Variants in MECOM observed in about 807,000 individuals in gnomAD.
The protein encoded by MECOM is MDS1 and EVI1 complex locus, also known as histone-lysine N-methyltransferase MECOM.
A neutral mutation model predicts 116.3 loss-of-function variants in MECOM; 13 were observed. The ratio of observed to expected loss-of-function variants is 0.11; its 90% CI spans 0.07 to 0.18. MECOM has a LOEUF of 0.18. Ranked by LOEUF, MECOM falls within the 10% of genes least tolerant of loss-of-function variation. The pLI, the probability that MECOM is intolerant of heterozygous loss-of-function variation, is 1.00. For synonymous variants in MECOM, 528 were observed against 535.2 expected (o/e 0.99, Z 0.19); for missense variants, 1,299 against 1,509.0 (o/e 0.86, Z 2.31).
At chr3:169,582,726 C>G (rs1765260053) in intron 1 of MECOM, among the ~76,000 whole-genome samples, 2 of 152,128 alleles carry the variant, frequency 1.3e-5, no homozygotes, top group Admixed American at 6.5e-5. Context: ...AAGGTTTTAG[C>G]AAAACTTCTG....
At chr3:169,171,906 A>G (rs1289137192) in intron 2 of MECOM, among the ~76,000 whole-genome samples, 1 of 152,144 alleles carries the variant, frequency 6.6e-6, no homozygotes, top group Non-Finnish European at 1.5e-5. Context: ...GAGAGGAAAC[A>G]TAGATACTAA....
chr3:169,639,526 A>G (rs1274961221), intron 1 of MECOM, among the ~76,000 whole-genome samples: 1 of 152,236 alleles, frequency 6.6e-6, no homozygotes, highest in Non-Finnish European at 1.5e-5. Context: ...AGTCTTGATC[A>G]AACTGTGCCT....
intron 1 of MECOM, among the ~76,000 whole-genome samples, chr3:169,516,493 A>G (rs1756644938): frequency 6.6e-6 from 1 of 152,124 alleles, no homozygotes; most frequent in South Asian, 2.1e-4. Flanking sequence ...TTAGCAATAA[A>G]AGAATGTTCT....
chr3:169,532,940 C>T (rs1758842879), intron 1 of MECOM, among the ~76,000 whole-genome samples: 1 of 152,122 alleles, frequency 6.6e-6, no homozygotes, highest in South Asian at 2.1e-4. Context: ...AATACGTTAA[C>T]CCTATTTTAT....
intron 2 of MECOM, among the ~76,000 whole-genome samples, chr3:169,201,459 A>G (rs1313483911): frequency 1.3e-5 from 2 of 152,088 alleles, no homozygotes; most frequent in Non-Finnish European, 2.9e-5. Flanking sequence ...TCTGAATTAA[A>G]TGGCTCCTTT....
intron 1 of MECOM, among the ~76,000 whole-genome samples, chr3:169,434,256 A>G (rs1461763910): frequency 6.6e-6 from 1 of 152,140 alleles, no homozygotes; most frequent in African/African-American, 2.4e-5. Flanking sequence ...AGCACATATA[A>G]ATGCATAATT....
In MECOM at chr3:169,102,195, A is replaced by T; in HGVS notation, c.2636T>A (p.Leu879Gln). The change falls in exon 11 of 17, where the codon CTA becomes CAA. Residue 879 changes from leucine to glutamine, a missense_variant. Physicochemically the swap from Leu to Gln is moderately radical, Grantham distance 113. Around this residue, in one of 6 missense-constraint regions of MECOM, gnomAD observed 340 missense variants for 312.6 expected, o/e 1.09. Coordinates refer to ENST00000651503, the MANE Select transcript of MECOM (RefSeq NM_004991.4). ...AGGTTTCAGGGCACTGAAGCTCTCT[A>T]GCTTTTCTGCCATGTTTTCAATAGC... ...MSAIENMAEK[L>Q]ESFSALKPEA... The T allele has an allele frequency of 6.2e-7, 1 of 1,613,684 alleles. No homozygotes were observed.
intron 1 of MECOM, among the ~76,000 whole-genome samples, chr3:169,533,235 A>T (rs1356097105): frequency 6.6e-6 from 1 of 152,146 alleles, no homozygotes; most frequent in African/African-American, 2.4e-5. Flanking sequence ...ATAGATATAT[A>T]TCAGACCCCG....
At chr3:169,219,339 C>T (rs1412347848) in intron 2 of MECOM, among the ~76,000 whole-genome samples, 1 of 151,998 alleles carries the variant, frequency 6.6e-6, no homozygotes, top group Non-Finnish European at 1.5e-5. Context: ...ACCGCGTATC[C>T]ACTAAAAATA....
intron 2 of MECOM, among the ~76,000 whole-genome samples, chr3:169,247,254 A>G (rs906502180): frequency 6.6e-6 from 1 of 152,202 alleles, no homozygotes; most frequent in Non-Finnish European, 1.5e-5. Context: ...TAGAATAAAA[A>G]GAGATCCTTG....
chr3:169,382,285 A>C (rs1180295386), intron 1 of MECOM, among the ~76,000 whole-genome samples: 2 of 152,162 alleles, frequency 1.3e-5, no homozygotes, highest in African/African-American at 2.4e-5. Flanking sequence ...CAGAGAAATG[A>C]GGGAGATCAG....
chr3:169,299,285 G>A (rs1262665056), intron 2 of MECOM, among the ~76,000 whole-genome samples: 1 of 152,010 alleles, frequency 6.6e-6, no homozygotes, highest in Non-Finnish European at 1.5e-5. Flanking sequence ...TAAACCCGCC[G>A]CCCAAACCGA....
At chr3:169,422,025 T>C (rs1482681150) in intron 1 of MECOM, among the ~76,000 whole-genome samples, 1 of 152,144 alleles carries the variant, frequency 6.6e-6, no homozygotes, top group African/African-American at 2.4e-5. Flanking sequence ...TAATCATCTA[T>C]ATTTCATAAA....
At chr3:169,183,761 T>TAC (rs71166249) in intron 2 of MECOM, among the ~76,000 whole-genome samples, 178 of 118,750 alleles carry the variant, frequency 1.5e-3, no homozygotes, top group African/African-American at 2.3e-3. Context: ...GATACATACA[T>TAC]ACACACACAC....
At chr3:169,356,774 CATT>C (rs1164940442) in intron 2 of MECOM, among the ~76,000 whole-genome samples, 1 of 151,876 alleles carries the variant, frequency 6.6e-6, no homozygotes, top group African/African-American at 2.4e-5. Flanking sequence ...TCTCTTAAGA[CATT>C]ATAAAACTGT....
At chr3:169,575,289 A>G (rs1041582009) in intron 1 of MECOM, among the ~76,000 whole-genome samples, 1 of 152,168 alleles carries the variant, frequency 6.6e-6, no homozygotes, top group Non-Finnish European at 1.5e-5. Context: ...AGGAGCAACT[A>G]AAAGCAGTGA....
intron 1 of MECOM, among the ~76,000 whole-genome samples, chr3:169,539,858 T>C (rs1228326390): frequency 6.6e-6 from 1 of 152,112 alleles, no homozygotes; most frequent in Non-Finnish European, 1.5e-5. Context: ...TACAGTCAAA[T>C]CAATAATCAC....
intron 2 of MECOM, among the ~76,000 whole-genome samples, chr3:169,379,319 G>C (rs1732012984): frequency 6.6e-6 from 1 of 151,954 alleles, no homozygotes; most frequent in Non-Finnish European, 1.5e-5. Flanking sequence ...TAAAATGATG[G>C]GAAAAGCTAC....
At chr3:169,652,461 A>G (rs1294474935) in intron 1 of MECOM, among the ~76,000 whole-genome samples, 1 of 152,198 alleles carries the variant, frequency 6.6e-6, no homozygotes, top group African/African-American at 2.4e-5. Context: ...AAGAAACCAT[A>G]TATGGCTGTT....
Sources: allele counts gnomAD v4.1 joint callset (sites outside exome capture counted in the v4.1 genomes callset), GRCh38; gene constraint gnomAD v4.1.1; regional missense constraint gnomAD v4.1.1; transcripts MANE v1.5; gene names NCBI Gene and HGNC (gene_info 2026-07-23, HGNC 2026-07-21).